EPHA5: variants seen among roughly 807,000 people sequenced by gnomAD.
The protein encoded by EPHA5 is EPH receptor A5, also known as ephrin type-A receptor 5.
In EPHA5, 60 loss-of-function variants were observed where a neutral mutation model predicts 105.0. The ratio of observed to expected loss-of-function variants is 0.57; its 90% confidence interval spans 0.46 to 0.71. EPHA5 has a LOEUF of 0.71. EPHA5 is among the 30% of genes least tolerant of loss of function. The pLI, the probability that EPHA5 is intolerant of heterozygous loss-of-function variation, is 0.00. For synonymous variants in EPHA5, 513 were observed against 449.1 expected (o/e 1.14, Z -1.80); for missense variants, 1,218 against 1,274.7 (o/e 0.96, Z 0.68).
chr4:65,428,881 C>T (rs921761540), intron 5 of EPHA5, among the ~76,000 whole-genome samples: 1 of 151,900 alleles, frequency 6.6e-6, no homozygotes, highest in Admixed American at 6.6e-5. Flanking sequence ...AAATAGAAAA[C>T]TATATCACTG....
intron 14 of EPHA5, among the ~76,000 whole-genome samples, chr4:65,338,058 ATATT>A (rs1721351714): frequency 1.3e-5 from 2 of 152,064 alleles, no homozygotes; most frequent in Non-Finnish European, 2.9e-5. Context: ...AAATTTATAC[ATATT>A]GAGAAATAAA....
intron 3 of EPHA5, among the ~76,000 whole-genome samples, chr4:65,512,007 T>C (rs1354200161): frequency 6.6e-6 from 1 of 152,292 alleles, no homozygotes; most frequent in South Asian, 2.1e-4. Flanking sequence ...GGGCTAGGCA[T>C]GTGCTATTCA....
chr4:65,404,545 G>C (rs990189735), intron 7 of EPHA5, 66 bp from the exon 8 acceptor site: 27 of 1,407,148 alleles, frequency 1.9e-5, no homozygotes, highest in Non-Finnish European at 2.7e-5. Context: ...AATAAAAGTT[G>C]CTTAATAGAC....
rs1181298755 is a variant in EPHA5 at position 65,420,533 on chromosome 4, T to G, written c.1435A>C (p.Lys479Gln). The change falls in exon 6 of 17, where the codon AAA becomes CAA. Residue 479 changes from lysine to glutamine, a missense_variant. Around this residue, in one of 3 missense-constraint regions of EPHA5, gnomAD observed 971 missense variants for 1,013.5 expected, o/e 0.96. Coordinates refer to ENST00000613740, the MANE Select transcript of EPHA5 (RefSeq NM_001281766.3). Reference sequence around the variant, plus strand: ...AAAGAGATGCTGTTTTTTGCAATTTTCCCTTTTTTCACATTGGTGACTGGA... The same window carrying G: ...AAAGAGATGCTGTTTTTTGCAATTTGCCCTTTTTTCACATTGGTGACTGGA... ...PSPVTNVKKG[K>Q]IAKNSISLSW... The G allele has an allele frequency of 6.2e-7, 1 of 1,613,266 alleles. No homozygotes were observed. The highest frequency in any genetic ancestry group is 1.1e-5 in the South Asian group (1 of 91,034).
intron 3 of EPHA5, among the ~76,000 whole-genome samples, chr4:65,497,133 T>C (rs1732025085): frequency 6.6e-6 from 1 of 152,162 alleles, no homozygotes; most frequent in South Asian, 2.1e-4. Context: ...AACTACTTTT[T>C]TCTATTTTCA....
At chr4:65,354,758 T>A (rs1005761186) in intron 11 of EPHA5, among the ~76,000 whole-genome samples, 12 of 151,768 alleles carry the variant, frequency 7.9e-5, no homozygotes, top group African/African-American at 2.9e-4. Context: ...GATTAATACA[T>A]ATGAAAAAGA....
chr4:65,669,569 G>T lies in EPHA5; in HGVS notation c.174C>A (p.Ser58Arg). ...AALRTLLASPSNEVNLLDSRT... is the reference protein window; with the variant it reads ...AALRTLLASPRNEVNLLDSRT... ...CCACCCCCATCTCCCTACCTTCGTT[G>T]CTGGGGCTGGCCAGGAGGGTCCGGA... The change falls in exon 1 of 17, where the codon AGC becomes AGA. Residue 58 changes from serine to arginine, a missense_variant. Physicochemically the swap from Ser to Arg is moderately radical, Grantham distance 110. Around this residue, in one of 3 missense-constraint regions of EPHA5, gnomAD observed 233 missense variants for 227.5 expected, o/e 1.02. Transcript: ENST00000613740. 7.1e-7 allele frequency: 1 copy of T among 1,400,652 alleles called. No individual in the cohort carries two copies. Among genetic ancestry groups the T allele is most frequent in the Non-Finnish European group, 9.3e-7 (1 of 1,071,706 alleles). The allele number at this position is 1,400,652 out of a possible 1,614,324, so 86.8% of individuals were successfully genotyped here. A position where few individuals can be genotyped will look rare whatever the true frequency, so the allele number is the denominator to read the frequency against.
At chr4:65,373,416 C>T (rs915202266) in intron 8 of EPHA5, among the ~76,000 whole-genome samples, 6 of 151,624 alleles carry the variant, frequency 4.0e-5, no homozygotes, top group East Asian at 1.9e-4. Flanking sequence ...ACACTCCCCC[C>T]GGCAGATATC....
At chr4:65,486,113 C>T (rs960600294) in intron 5 of EPHA5, among the ~76,000 whole-genome samples, 4 of 152,082 alleles carry the variant, frequency 2.6e-5, no homozygotes, top group African/African-American at 9.7e-5. Context: ...CCAGAGATTA[C>T]CTGGGAGACT....
At chr4:65,471,231 A>C (rs1729255977) in intron 5 of EPHA5, among the ~76,000 whole-genome samples, 1 of 152,236 alleles carries the variant, frequency 6.6e-6, no homozygotes, top group African/African-American at 2.4e-5. Flanking sequence ...AGAAAAACAG[A>C]CATAAATCTC....
At chr4:65,408,054 G>A (rs547025702) in intron 7 of EPHA5, among the ~76,000 whole-genome samples, 3 of 152,198 alleles carry the variant, frequency 2.0e-5, no homozygotes, top group African/African-American at 7.2e-5. Flanking sequence ...TCACATGCAT[G>A]AATTAATTTG....
intron 14 of EPHA5, among the ~76,000 whole-genome samples, chr4:65,337,627 T>G (rs1399942245): frequency 6.6e-6 from 1 of 152,082 alleles, no homozygotes; most frequent in Non-Finnish European, 1.5e-5. Context: ...GCAAGCACAT[T>G]TCTGAGGGTA....
chr4:65,340,920 T>C (rs1721650643), intron 14 of EPHA5, among the ~76,000 whole-genome samples: 1 of 152,110 alleles, frequency 6.6e-6, no homozygotes, highest in African/African-American at 2.4e-5. Context: ...TTATGGAGTA[T>C]GGCAAGGATA....
At chr4:65,484,106 C>T (rs1344955308) in intron 5 of EPHA5, among the ~76,000 whole-genome samples, 2 of 152,114 alleles carry the variant, frequency 1.3e-5, no homozygotes, top group Admixed American at 6.6e-5. Flanking sequence ...CCCTGGCACT[C>T]ATTATTATAA....
intron 2 of EPHA5, among the ~76,000 whole-genome samples, chr4:65,628,139 C>T (rs370380426): frequency 4.5e-4 from 68 of 152,064 alleles, no homozygotes; most frequent in East Asian, 2.5e-3. Context: ...AACACACTGA[C>T]GATACTTGGC....
Position 65,668,469 on chromosome 4 carries a change from C to A in EPHA5, c.181+1093G>T, listed in dbSNP as rs114838365. 8.6e-3 allele frequency among the ~76,000 whole-genome samples: 1,307 copies of A among 152,284 alleles called. 22 individuals are homozygous for A. Among genetic ancestry groups the A allele is most frequent in the African/African-American group, 0.03 (1,252 of 41,548 alleles). ...TGTTTTCATGGTGGAGCTGACAGAT[C>A]TGGATCTGAGATACTGTTCCCGCCC... On this transcript the variant is annotated intron_variant, in intron 1 of 16. Transcript: ENST00000613740.
intron 5 of EPHA5, among the ~76,000 whole-genome samples, chr4:65,475,459 C>T (rs549109123): frequency 1.3e-5 from 2 of 151,910 alleles, no homozygotes; most frequent in East Asian, 3.9e-4. Context: ...ATAACTTTGC[C>T]TCTCTGGGTT....
intron 14 of EPHA5, among the ~76,000 whole-genome samples, chr4:65,341,532 ATATT>A (rs1721719995): frequency 6.6e-6 from 1 of 150,928 alleles, no homozygotes; most frequent in Admixed American, 6.6e-5. Context: ...CTATAGAATC[ATATT>A]TATTTGCACC....
intron 8 of EPHA5, among the ~76,000 whole-genome samples, chr4:65,402,347 C>T (rs1045617897): frequency 4.6e-5 from 7 of 152,054 alleles, no homozygotes; most frequent in Non-Finnish European, 7.4e-5. Flanking sequence ...AATGTGCGCA[C>T]GTATGCACTA....
Sources: gnomAD v4.1 joint callset for allele counts (sites outside exome capture counted in the v4.1 genomes callset) on GRCh38, gnomAD v4.1.1 for gene constraint, gnomAD v4.1.1 regional missense constraint, MANE v1.5 for transcripts, NCBI Gene and HGNC (gene_info 2026-07-23, HGNC 2026-07-21) for gene names.